LTN1: variants seen among roughly 807,000 people sequenced by gnomAD.
The protein encoded by LTN1 is listerin E3 ubiquitin protein ligase 1, also known as E3 ubiquitin-protein ligase listerin.
A neutral mutation model predicts 201.2 loss-of-function variants in LTN1; 88 were observed. The observed-to-expected ratio is 0.44, with a 90% CI of 0.37 to 0.52. The LOEUF (loss-of-function observed/expected upper bound fraction) is 0.52, where lower values mean the gene tolerates loss of function less well. LTN1 is among the 20% of genes least tolerant of loss of function. LTN1 has a pLI of 0.00. For synonymous variants in LTN1, 645 were observed against 713.5 expected (o/e 0.90, Z 1.53); for missense variants, 1,752 against 2,038.7 (o/e 0.86, Z 2.71).
intron 16 of LTN1, among the ~76,000 whole-genome samples, chr21:28,954,844 G>C (rs1244791527): frequency 6.6e-6 from 1 of 152,098 alleles, no homozygotes; most frequent in Non-Finnish European, 1.5e-5. Context: ...CAACTAGAAA[G>C]CATCAAGGAA....
chr21:28,990,215 T>C (rs1025363194), intron 1 of LTN1, among the ~76,000 whole-genome samples: 2 of 152,192 alleles, frequency 1.3e-5, no homozygotes, highest in African/African-American at 4.8e-5. Context: ...GTCTGTATCA[T>C]CAAACTAATA....
intron 6 of LTN1, among the ~76,000 whole-genome samples, chr21:28,979,692 G>T (rs532891384): frequency 2.0e-5 from 3 of 152,208 alleles, no homozygotes; most frequent in African/African-American, 7.2e-5. Flanking sequence ...GTCTTAGGCC[G>T]GGCACGGTGG....
At chr21:28,957,535 C>T (rs2084436538) in intron 14 of LTN1, 59 bp from the exon 15 acceptor site, 1 of 1,192,622 alleles carries the variant, frequency 8.4e-7, no homozygotes, top group Non-Finnish European at 1.1e-6. Context: ...TTTGAATACC[C>T]CAATACATAT....
rs1447993315 is a variant in LTN1, at chr21:28,970,548, T to C, written c.1175+4A>G. 1 of 1,592,310 alleles carries C rather than the reference T, an allele frequency of 6.3e-7. No homozygotes were observed. Among genetic ancestry groups the C allele is most frequent in the African/African-American group, 1.3e-5 (1 of 74,166 alleles). ...TTTAAAAATCAAAAATTTAAATTACTTACCCAGCAACTAGAGACGTGAGGA... is the reference window on the plus strand; with the variant it reads ...TTTAAAAATCAAAAATTTAAATTACCTACCCAGCAACTAGAGACGTGAGGA... On this transcript the variant is annotated splice_donor_region_variant and intron_variant, in intron 8 of 29. Transcript: ENST00000361371.
chr21:28,971,194 AT>A, intron 7 of LTN1, 76 bp downstream of exon 7: 2 of 1,183,488 alleles, frequency 1.7e-6, no homozygotes. Flanking sequence ...CCAAGAAAGC[AT>A]TTTCCCAGTA....
intron 4 of LTN1, 28 bp downstream of exon 4, chr21:28,984,664 A>T (rs79999811): frequency 2.6e-6 from 4 of 1,543,662 alleles, no homozygotes; most frequent in Non-Finnish European, 3.6e-6. Context: ...AAAAAAAAAA[A>T]TAGATTCAGA....
At chr21:28,931,940 T>C (rs200424001) in intron 28 of LTN1, among the ~76,000 whole-genome samples, 1 of 152,202 alleles carries the variant, frequency 6.6e-6, no homozygotes, top group East Asian at 1.9e-4. Flanking sequence ...GAGGCAGAGG[T>C]TGCAGTGAGC....
In LTN1 at chr21:28,959,629, T is replaced by C. The variant is rs763908874; in HGVS notation, c.2422A>G (p.Lys808Glu). Residue 808 changes from lysine (K) to glutamate (E), a missense_variant, in exon 13 of 30, where the codon AAG becomes GAG. Physicochemically the swap from Lys to Glu is moderately conservative, Grantham distance 56 (BLOSUM62 1). Transcript: ENST00000361371. ...VRLHETLFKT[K>E]KLSEAESSDS... ...CTGCTTTCAGCTTCTGATAATTTCT[T>C]TGTTTTGAATAAAGTTTCATGAAGT... is the stretch of plus-strand genomic sequence containing the variant. The C allele has an allele frequency of 9.3e-6, 15 of 1,613,966 alleles. No homozygotes were observed. The South Asian group carries it at 1.6e-4, about 18-fold the overall frequency.
chr21:28,952,700 C>T, intron 17 of LTN1, among the ~76,000 whole-genome samples: 1 of 152,190 alleles, frequency 6.6e-6, no homozygotes, highest in East Asian at 1.9e-4. Flanking sequence ...TCCTCTGATA[C>T]AGCAAAGCAT....
chr21:28,957,708 A>T (rs2084438341), intron 14 of LTN1, among the ~76,000 whole-genome samples: 1 of 152,176 alleles, frequency 6.6e-6, no homozygotes, highest in African/African-American at 2.4e-5. Context: ...CTATCTCAGA[A>T]TGAAGAGGAC....
rs756277940 is a variant in LTN1, at chr21:28,967,099, T to C, written c.1392A>G (p.Leu464=). The C allele has an allele frequency of 2.5e-6, 4 of 1,614,046 alleles. No homozygotes were observed. In the African/African-American group the frequency reaches 4.0e-5, roughly 16 times the overall value. Residue 464 remains leucine, a synonymous_variant, in exon 10 of 30, where the codon CTA becomes CTG. Transcript: ENST00000361371. ...GQLFNHLAET[L]SSWEAKADTE... ...TGTCTGCTTTGGCTTCCCAGGAACT[T>C]AGAGTTTCTGCTAAATGGTTAAATA...
chr21:28,984,997 T>C, intron 3 of LTN1, 75 bp from the exon 4 acceptor site: 1 of 980,602 alleles, frequency 1.0e-6, no homozygotes, highest in Non-Finnish European at 1.5e-6. Context: ...GGATATGCTA[T>C]AATGACCCAT....
chr21:28,959,151 G>C (rs1351958608), intron 13 of LTN1, among the ~76,000 whole-genome samples: 2 of 152,016 alleles, frequency 1.3e-5, no homozygotes, highest in African/African-American at 2.4e-5. Context: ...TTACAAATGA[G>C]GAAACTAAGA....
At chr21:28,940,926 A>C (rs1174560141) in intron 25 of LTN1, among the ~76,000 whole-genome samples, 1 of 152,136 alleles carries the variant, frequency 6.6e-6, no homozygotes, top group Admixed American at 6.6e-5. Context: ...CATCTCTACA[A>C]AAATATAAAA....
intron 5 of LTN1, among the ~76,000 whole-genome samples, chr21:28,982,067 A>T (rs2084663021): frequency 1.3e-5 from 2 of 152,150 alleles, no homozygotes; most frequent in Admixed American, 1.3e-4. Context: ...ATACAAAAAA[A>T]TTAGCCAGGT....
Position 28,928,934 on chromosome 21 carries a change from T to C in LTN1, c.*1514A>G, listed in dbSNP as rs535999950. Reference sequence around the variant, plus strand: ...TATGTCAGAAAGAGACATAGAAAGATAGAGAATATTTTAAGAAAAGGGTTA... The same window carrying C: ...TATGTCAGAAAGAGACATAGAAAGACAGAGAATATTTTAAGAAAAGGGTTA... On this transcript the variant is annotated 3_prime_UTR_variant, in exon 30 of 30. Transcript: ENST00000361371. The C allele has an allele frequency of 2.6e-5, 4 of 152,578 alleles. No individual in the cohort carries two copies. The South Asian group carries it at 8.4e-4, about 32-fold the overall frequency. The allele number at this position is 152,578 out of a possible 1,614,324, so 9.5% of individuals were successfully genotyped here.
chr21:28,960,473 A>G (rs2084467405), intron 12 of LTN1, 44 bp downstream of exon 12: 1 of 1,478,352 alleles, frequency 6.8e-7, no homozygotes, highest in South Asian at 1.2e-5. Context: ...CAAAGGAGAA[A>G]TGGACTATTC....
intron 10 of LTN1, 74 bp downstream of exon 10, chr21:28,966,296 C>T (rs2084521785): frequency 3.1e-6 from 4 of 1,276,488 alleles, no homozygotes; most frequent in Non-Finnish European, 4.4e-6. Context: ...GAAGAAACAA[C>T]CAGAAAACAA....
intron 21 of LTN1, among the ~76,000 whole-genome samples, chr21:28,945,305 A>G (rs2084328989): frequency 6.6e-6 from 1 of 152,196 alleles, no homozygotes; most frequent in African/African-American, 2.4e-5. Context: ...CATAGCTAAT[A>G]GCAGGCAAAG....
Sources: allele counts gnomAD v4.1 joint callset (sites outside exome capture counted in the v4.1 genomes callset), GRCh38; gene constraint gnomAD v4.1.1; transcripts MANE v1.5; gene names NCBI Gene and HGNC (gene_info 2026-07-23, HGNC 2026-07-21).